Variants in MAJIN observed in about 807,000 individuals in gnomAD.
MAJIN encodes the protein membrane-anchored junction protein.
A neutral mutation model predicts 30.2 loss-of-function variants in MAJIN; 27 were observed. That is an observed-to-expected ratio of 0.89 (90% CI 0.66 to 1.23). The LOEUF (loss-of-function observed/expected upper bound fraction) is 1.23, where lower values mean the gene tolerates loss of function less well. Among genes scored for constraint, MAJIN ranks in the 50% most tolerant of loss-of-function variants. The pLI is 0.00. For missense variants in MAJIN, 253 were observed against 260.3 expected, an observed-to-expected ratio of 0.97 and a Z score of 0.19; for synonymous variants, 78 against 91.6, an observed-to-expected ratio of 0.85 and a Z score of 0.85.
intron 3 of MAJIN, among the ~76,000 whole-genome samples, chr11:64,957,047 G>A (rs906944627): frequency 9.9e-5 from 15 of 151,582 alleles, no homozygotes; most frequent in Admixed American, 2.0e-4. Context: ...GATTACAGGC[G>A]TGAGCCACCG....
intron 8 of MAJIN, among the ~76,000 whole-genome samples, chr11:64,943,088 TATC>T (rs1945402257): frequency 2.0e-5 from 3 of 152,160 alleles, no homozygotes; most frequent in Admixed American, 6.5e-5. Flanking sequence ...AGACTGAAGG[TATC>T]ATCTGGGACC....
intron 1 of MAJIN, among the ~76,000 whole-genome samples, chr11:64,968,321 A>T (rs1379257111): frequency 6.6e-6 from 1 of 151,980 alleles, no homozygotes; most frequent in African/African-American, 2.4e-5. Context: ...CCCAGGCTGG[A>T]GTATAGCGAC....
rs1291613257 is a variant in MAJIN, at chr11:64,938,532, T to C, written c.*43A>G. ...GCGCTGCATTTGGAAGGCTCAAGAGTGGCTGCTCTTCCTGAAGAAATATCG... is the reference window on the plus strand; with the variant it reads ...GCGCTGCATTTGGAAGGCTCAAGAGCGGCTGCTCTTCCTGAAGAAATATCG... On this transcript the variant is annotated 3_prime_UTR_variant, in exon 11 of 11. Coordinates refer to ENST00000301896, the MANE Select transcript of MAJIN (RefSeq NM_001037225.3). 3.3e-6 allele frequency: 5 copies of C among 1,535,390 alleles called. No homozygotes were observed. The African/African-American group carries it at 5.5e-5, about 17-fold the overall frequency.
At position 64,950,404 on chromosome 11, in the gene MAJIN, G is replaced by C; in HGVS notation, c.174C>G (p.Asn58Lys). 6.2e-7 allele frequency: 1 copy of C among 1,608,424 alleles called. No homozygotes were observed. The highest frequency in any genetic ancestry group is 8.5e-7 in the Non-Finnish European group (1 of 1,176,930). ...TAGCAAAGGGCTGAAGATTGTCCAA[G>C]TTTCCCAAGACCACGCGGACAGAAT... ...LEDSVRVVLGNLDNLQPFATE... is the reference protein window; with the variant it reads ...LEDSVRVVLGKLDNLQPFATE... Residue 58 changes from asparagine (N) to lysine (K), a missense_variant, in exon 5 of 11, where the codon AAC becomes AAG. Asn to Lys is a moderately conservative substitution (Grantham distance 94). Coordinates refer to ENST00000301896, the MANE Select transcript of MAJIN (RefSeq NM_001037225.3).
intron 3 of MAJIN, 67 bp downstream of exon 3, chr11:64,959,238 T>A: frequency 7.8e-7 from 1 of 1,278,578 alleles, no homozygotes; most frequent in Non-Finnish European, 1.1e-6. Context: ...AAAGAAGAGG[T>A]GACCTGTGGG....
intron 1 of MAJIN, among the ~76,000 whole-genome samples, chr11:64,962,447 AGTAAC>A (rs144826367): frequency 0.46 from 70,133 of 151,576 alleles, 18,545 homozygotes; most frequent in Non-Finnish European, 0.62. Context: ...ATTACGTCCC[AGTAAC>A]TATTATTAAG....
At chr11:64,948,427 CCTTTT>C (rs1476025826) in intron 6 of MAJIN, among the ~76,000 whole-genome samples, 1 of 150,280 alleles carries the variant, frequency 6.7e-6, no homozygotes, top group African/African-American at 2.4e-5. Flanking sequence ...CCTTTGCACC[CCTTTT>C]CTTTTCTTTC....
chr11:64,971,632 T>C (rs1452782150), intron 1 of MAJIN, among the ~76,000 whole-genome samples: 1 of 151,738 alleles, frequency 6.6e-6, no homozygotes, highest in Non-Finnish European at 1.5e-5. Flanking sequence ...CCTCGCACGC[T>C]CCCGGCCTGC....
At chr11:64,962,970 T>TA (rs1313585850) in intron 1 of MAJIN, among the ~76,000 whole-genome samples, 1 of 151,948 alleles carries the variant, frequency 6.6e-6, no homozygotes, top group Non-Finnish European at 1.5e-5. Flanking sequence ...CTACTAAAAA[T>TA]ACAAAAATTG....
At chr11:64,960,239 T>G (rs1945701696) in intron 1 of MAJIN, 104 bp from the exon 2 acceptor site, 1 of 152,226 alleles carries the variant, frequency 6.6e-6, no homozygotes, top group Non-Finnish European at 1.5e-5. Flanking sequence ...AGTACAAGTA[T>G]AAAAATTACA....
intron 1 of MAJIN, among the ~76,000 whole-genome samples, chr11:64,970,361 C>CTTTTTTTT (rs1196525730): frequency 7.6e-5 from 5 of 66,052 alleles, no homozygotes; most frequent in African/African-American, 1.1e-4. Flanking sequence ...AAGACTCCGT[C>CTTTTTTTT]TTTTTTTTTT....
intron 5 of MAJIN, 148 bp from the exon 6 acceptor site, chr11:64,950,016 G>A: frequency 1.7e-6 from 2 of 1,150,910 alleles, no homozygotes; most frequent in Non-Finnish European, 1.2e-6. Context: ...AATGTGAGCT[G>A]TAGCTCATTT....
chr11:64,966,089 T>C (rs1013091654), intron 1 of MAJIN, among the ~76,000 whole-genome samples: 1 of 142,462 alleles, frequency 7.0e-6, no homozygotes, highest in African/African-American at 2.7e-5. Flanking sequence ...TTTTTTTGAT[T>C]ACACCATTGG....
In MAJIN at chr11:64,949,754, T is replaced by C. The variant is rs893284156; in HGVS notation, c.338A>G (p.Asn113Ser). ...ATCATTCCACTTACCAGGTGACAGG[T>C]TTTCATGGAACCATTTCATCTCCAC... The part of the protein sequence containing the change: ...LYVEMKWFHE[N>S]LSPGKPISDS... Residue 113 changes from asparagine (N) to serine (S), a missense_variant, in exon 6 of 11, where the codon AAC (asparagine) becomes AGC (serine). Coordinates refer to ENST00000301896, the MANE Select transcript of MAJIN (RefSeq NM_001037225.3). 1.2e-6 allele frequency: 2 copies of C among 1,612,780 alleles called. No individual in the cohort carries two copies. Among genetic ancestry groups the C allele is most frequent in the African/African-American group, 2.7e-5 (2 of 74,872 alleles).
At chr11:64,944,910 G>A (rs2136730100) in intron 8 of MAJIN, among the ~76,000 whole-genome samples, 1 of 152,290 alleles carries the variant, frequency 6.6e-6, no homozygotes, top group African/African-American at 2.4e-5. Context: ...AAGAAGTCCT[G>A]AAATGGAGGA....
intron 10 of MAJIN, among the ~76,000 whole-genome samples, chr11:64,939,235 GGTATCACAGGCAT>G (rs72297168): frequency 0.046 from 6,954 of 152,266 alleles, 182 homozygotes; most frequent in Middle Eastern, 0.065. Context: ...CCAAGTAGCT[GGTATCACAGGCAT>G]GTAGCACCAT....
intron 9 of MAJIN, 105 bp from the exon 10 acceptor site, chr11:64,939,872 A>C: frequency 1.1e-6 from 1 of 949,282 alleles, no homozygotes; most frequent in Non-Finnish European, 1.6e-6. Context: ...GTCTCACGCC[A>C]AGAGTTCTTT....
At chr11:64,950,078 C>T (rs1359017732) in intron 5 of MAJIN, among the ~76,000 whole-genome samples, 1 of 152,106 alleles carries the variant, frequency 6.6e-6, no homozygotes, top group East Asian at 1.9e-4. Flanking sequence ...GGCTGTAATC[C>T]CAGCACTTTG....
chr11:64,940,768 G>T lies in MAJIN; in HGVS notation c.474-122C>A. On this transcript the variant is annotated intron_variant, in intron 8 of 10. Transcript: ENST00000301896. ...CTGGGGCCTGGCTTCTGACTGCCTAGACAGGTTCTATATTTCTTTCCATTT... is the reference window on the plus strand; with the variant it reads ...CTGGGGCCTGGCTTCTGACTGCCTATACAGGTTCTATATTTCTTTCCATTT... 4.1e-6 allele frequency: 3 copies of T among 737,318 alleles called. No homozygotes were observed. In the East Asian group the frequency reaches 8.3e-5, roughly 20 times the overall value. 45.7% of individuals were successfully genotyped at this position (737,318 alleles called of 1,614,324 possible).
Sources: allele counts gnomAD v4.1 joint callset (sites outside exome capture counted in the v4.1 genomes callset), GRCh38; gene constraint gnomAD v4.1.1; transcripts MANE v1.5; gene names NCBI Gene and HGNC (gene_info 2026-07-23, HGNC 2026-07-21).